The following GPR149 variants were observed in gnomAD, a reference collection of about 807,000 sequenced individuals.
GPR149 encodes probable G protein-coupled receptor 149.
In GPR149, 50 loss-of-function variants were observed where a neutral mutation model predicts 50.2. The observed-to-expected ratio is 1.00, with a 90% CI of 0.79 to 1.26. GPR149 has a LOEUF of 1.26. Ranked by LOEUF, GPR149 falls within the 50% of genes most tolerant of loss-of-function variation. GPR149 has a pLI of 0.00. For missense variants in GPR149, 983 were observed against 895.4 expected, an observed-to-expected ratio of 1.10 and a Z score of -1.25; for synonymous variants, 405 against 358.2, an observed-to-expected ratio of 1.13 and a Z score of -1.48.
chr3:154,412,081 A>G (rs1408614043), intron 3 of GPR149, among the ~76,000 whole-genome samples: 2 of 152,230 alleles, frequency 1.3e-5, no homozygotes, highest in Non-Finnish European at 1.5e-5. Flanking sequence ...CCACATAAAC[A>G]GAATTAAAAA....
At chr3:154,398,993 T>C (rs1436939746) in intron 3 of GPR149, among the ~76,000 whole-genome samples, 2 of 152,220 alleles carry the variant, frequency 1.3e-5, no homozygotes, top group Non-Finnish European at 2.9e-5. Context: ...TCCCTCATTA[T>C]GTTATAACTT....
intron 3 of GPR149, among the ~76,000 whole-genome samples, chr3:154,359,192 A>C (rs1278557977): frequency 6.6e-6 from 1 of 152,184 alleles, no homozygotes; most frequent in African/African-American, 2.4e-5. Context: ...TAATTTGATA[A>C]GTTTAATATT....
intron 3 of GPR149, among the ~76,000 whole-genome samples, chr3:154,399,570 C>A (rs371763812): frequency 1.5e-4 from 23 of 152,164 alleles, no homozygotes; most frequent in African/African-American, 4.3e-4. Flanking sequence ...CCAGGTAGAA[C>A]TTTAAATTCA....
chr3:154,421,908 C>A (rs1034092326), intron 2 of GPR149, among the ~76,000 whole-genome samples: 7 of 151,504 alleles, frequency 4.6e-5, no homozygotes, highest in Admixed American at 4.6e-4. Context: ...TATTAAGTAG[C>A]CTTAATATTA....
chr3:154,416,157 G>A (rs961229203), intron 3 of GPR149, among the ~76,000 whole-genome samples: 1 of 151,736 alleles, frequency 6.6e-6, no homozygotes. Flanking sequence ...AAAGATACCC[G>A]TATTGAGTAT....
At chr3:154,396,059 A>G (rs1421991220) in intron 3 of GPR149, among the ~76,000 whole-genome samples, 1 of 152,180 alleles carries the variant, frequency 6.6e-6, no homozygotes, top group African/African-American at 2.4e-5. Flanking sequence ...TTTGTTCCAA[A>G]CAGATTTTTT....
At chr3:154,367,000 C>A (rs920748864) in intron 3 of GPR149, among the ~76,000 whole-genome samples, 1 of 152,270 alleles carries the variant, frequency 6.6e-6, no homozygotes, top group East Asian at 1.9e-4. Flanking sequence ...ATACCTGAGA[C>A]TGGATAAAGA....
At chr3:154,380,526 G>A (rs1714897158) in intron 3 of GPR149, among the ~76,000 whole-genome samples, 1 of 152,056 alleles carries the variant, frequency 6.6e-6, no homozygotes. Context: ...TTATATGATT[G>A]CACTAAATTA....
chr3:154,363,014 T>A (rs1407282188), intron 3 of GPR149, among the ~76,000 whole-genome samples: 1 of 152,040 alleles, frequency 6.6e-6, no homozygotes, highest in Non-Finnish European at 1.5e-5. Flanking sequence ...AGAATCTGGG[T>A]AGAGGGTGCA....
In GPR149 at chr3:154,346,306, T is replaced by C. The variant is rs569872044; in HGVS notation, c.1624-8035A>G. ...AAACAAAAGTAGATTTTTAATAATT[T>C]ACTTTTTGGAATTTATTTTTTATTC... On this transcript the variant is annotated intron_variant, in intron 3 of 3. Coordinates refer to ENST00000389740, the MANE Select transcript of GPR149 (RefSeq NM_001038705.3). Among the ~76,000 whole-genome samples the C allele has an allele frequency of 7.9e-5, 12 of 152,340 alleles. No individual in the cohort carries two copies. In the South Asian group the frequency reaches 1.9e-3, roughly 24 times the overall value.
At chr3:154,370,169 A>C (rs1414458424) in intron 3 of GPR149, among the ~76,000 whole-genome samples, 1 of 152,200 alleles carries the variant, frequency 6.6e-6, no homozygotes, top group Non-Finnish European at 1.5e-5. Context: ...CTAACTCCAT[A>C]TTCTGTAGAA....
At chr3:154,380,160 GAGAGAC>G (rs781574498) in intron 3 of GPR149, among the ~76,000 whole-genome samples, 199 of 104,876 alleles carry the variant, frequency 1.9e-3, no homozygotes, top group Non-Finnish European at 7.5e-4. Context: ...GTGTGTGTGA[GAGAGAC>G]AGAGAGAGAG....
intron 3 of GPR149, among the ~76,000 whole-genome samples, chr3:154,367,738 C>T (rs892020148): frequency 2.0e-5 from 3 of 152,210 alleles, no homozygotes; most frequent in African/African-American, 4.8e-5. Flanking sequence ...GTCTCTCTCT[C>T]ACCATGGGCG....
At chr3:154,414,822 G>A (rs182068695) in intron 3 of GPR149, among the ~76,000 whole-genome samples, 10 of 151,982 alleles carry the variant, frequency 6.6e-5, no homozygotes, top group East Asian at 3.9e-4. Flanking sequence ...AAGAGTAAAC[G>A]TCCTGCGAAA....
chr3:154,412,395 A>C (rs1711861912), intron 3 of GPR149, among the ~76,000 whole-genome samples: 1 of 152,108 alleles, frequency 6.6e-6, no homozygotes, highest in Non-Finnish European at 1.5e-5. Flanking sequence ...GAGGAAGTCA[A>C]ACTGTTGCTG....
Position 154,352,241 on chromosome 3 carries a change from T to G in GPR149, c.1624-13970A>C. 3.4e-6 allele frequency: 3 copies of G among 874,818 alleles called. No homozygotes were observed. In the Admixed American group the frequency reaches 6.7e-5, roughly 20 times the overall value. 54.2% of individuals were successfully genotyped at this position (874,818 alleles called of 1,614,324 possible). On this transcript the variant is annotated intron_variant, in intron 3 of 3. Coordinates refer to ENST00000389740, the MANE Select transcript of GPR149 (RefSeq NM_001038705.3). ...CTGAGTGACTCCCTTGTCGACTCTGTCTACCTGATAGGCCACCAGATGGAC... is the reference window on the plus strand; with the variant it reads ...CTGAGTGACTCCCTTGTCGACTCTGGCTACCTGATAGGCCACCAGATGGAC...
intron 3 of GPR149, among the ~76,000 whole-genome samples, chr3:154,346,927 A>G (rs540978280): frequency 1.2e-4 from 18 of 152,306 alleles, no homozygotes; most frequent in Non-Finnish European, 2.1e-4. Flanking sequence ...GAAAACTCTA[A>G]CAACTGAGTA....
At chr3:154,378,029 G>A (rs2689327) in intron 3 of GPR149, among the ~76,000 whole-genome samples, 103,176 of 150,432 alleles carry the variant, frequency 0.69, 36,199 homozygotes, top group Non-Finnish European at 0.76. Context: ...GGATGTATCA[G>A]GAGTTCATTT....
At chr3:154,373,818 G>T (rs996487158) in intron 3 of GPR149, among the ~76,000 whole-genome samples, 1 of 152,124 alleles carries the variant, frequency 6.6e-6, no homozygotes, top group Non-Finnish European at 1.5e-5. Flanking sequence ...GAGATTTTAG[G>T]TAAAGCTAAC....
Sources: allele counts gnomAD v4.1 joint callset (sites outside exome capture counted in the v4.1 genomes callset), GRCh38; gene constraint gnomAD v4.1.1; transcripts MANE v1.5; gene names NCBI Gene and HGNC (gene_info 2026-07-23, HGNC 2026-07-21).